The following TTC17 variants were observed in gnomAD, a reference collection of about 807,000 sequenced individuals.
TTC17 encodes tetratricopeptide repeat domain 17, also known as tetratricopeptide repeat protein 17.
TTC17 carries 58 observed loss-of-function variants against 143.8 expected under a neutral mutation model. The observed-to-expected ratio is 0.40, with a 90% CI of 0.33 to 0.50. The LOEUF (loss-of-function observed/expected upper bound fraction) is 0.50, where lower values mean the gene tolerates loss of function less well. TTC17 is among the 20% of genes least tolerant of loss of function. The pLI, the probability that TTC17 is intolerant of heterozygous loss-of-function variation, is 0.49. For synonymous variants in TTC17, 501 were observed against 497.8 expected (o/e 1.01, Z -0.09); for missense variants, 1,273 against 1,392.5 (o/e 0.91, Z 1.37).
intron 21 of TTC17, among the ~76,000 whole-genome samples, chr11:43,476,916 C>G (rs143894258): frequency 6.6e-6 from 1 of 152,134 alleles, no homozygotes; most frequent in Non-Finnish European, 1.5e-5. Context: ...TCTTTTCTAT[C>G]GCATAGTCAG....
chr11:43,482,258 GTT>G (rs376372616), intron 21 of TTC17, among the ~76,000 whole-genome samples: 156 of 142,386 alleles, frequency 1.1e-3, no homozygotes, highest in African/African-American at 3.7e-3. Flanking sequence ...GTTTTTAATA[GTT>G]TTTTTTTTTT....
chr11:43,412,981 GACACACACACACACACACAC>G (rs57982323), intron 15 of TTC17, among the ~76,000 whole-genome samples: 531 of 140,480 alleles, frequency 3.8e-3, no homozygotes, highest in Non-Finnish European at 4.8e-3. Context: ...ACCTAGAATA[GACACACACACACACACACAC>G]ACACACACAC....
intron 18 of TTC17, among the ~76,000 whole-genome samples, chr11:43,447,306 A>G (rs1363171690): frequency 6.6e-6 from 1 of 152,244 alleles, no homozygotes; most frequent in Non-Finnish European, 1.5e-5. Context: ...CTGAATACAC[A>G]GGAAGTGCTC....
chr11:43,409,210 A>G (rs150480862), intron 15 of TTC17, among the ~76,000 whole-genome samples: 1 of 152,378 alleles, frequency 6.6e-6, no homozygotes, highest in Non-Finnish European at 1.5e-5. Flanking sequence ...ATGGTTGTAT[A>G]AAGGACCAAT....
intron 15 of TTC17, 109 bp from the exon 16 acceptor site, chr11:43,414,481 C>A (rs894332154): frequency 8.8e-7 from 1 of 1,132,404 alleles, no homozygotes; most frequent in Non-Finnish European, 1.2e-6. Flanking sequence ...TTAGCAATAA[C>A]GTTTATGGGG....
At chr11:43,392,078 A>C (rs891823527) in intron 5 of TTC17, 126 bp downstream of exon 5, 2 of 1,127,996 alleles carry the variant, frequency 1.8e-6, no homozygotes, top group South Asian at 1.7e-5. Flanking sequence ...TTAAAATTAC[A>C]CTTACATTGA....
intron 1 of TTC17, among the ~76,000 whole-genome samples, chr11:43,365,763 G>A (rs1396402637): frequency 6.6e-6 from 1 of 152,154 alleles, no homozygotes; most frequent in African/African-American, 2.4e-5. Flanking sequence ...GTGGTAAAGC[G>A]AAGGATTCTA....
intron 18 of TTC17, among the ~76,000 whole-genome samples, chr11:43,445,389 G>T (rs1219587986): frequency 6.6e-6 from 1 of 152,112 alleles, no homozygotes; most frequent in African/African-American, 2.4e-5. Flanking sequence ...AACAAAACTA[G>T]CATGAAATAC....
intron 9 of TTC17, 115 bp downstream of exon 9, chr11:43,400,163 C>T (rs1590357726): frequency 8.6e-7 from 1 of 1,160,494 alleles, no homozygotes; most frequent in Non-Finnish European, 1.2e-6. Flanking sequence ...TTATGACTTC[C>T]CTACATCTCG....
At chr11:43,449,811 T>C (rs1947621813) in intron 19 of TTC17, 1 of 382,354 alleles carries the variant, frequency 2.6e-6, no homozygotes, top group African/African-American at 2.1e-5. Flanking sequence ...GTCTAAGCTT[T>C]AGGTAACTTT....
intron 10 of TTC17, among the ~76,000 whole-genome samples, chr11:43,402,027 A>T (rs982097866): frequency 6.7e-6 from 1 of 149,068 alleles, no homozygotes; most frequent in African/African-American, 2.5e-5. Context: ...AAATAAATAA[A>T]TAAAGAGCGA....
rs141250808 is a variant in TTC17, at chr11:43,408,720, C to A, written c.2064+1143C>A. On this transcript the variant is annotated intron_variant, in intron 15 of 23. Transcript: ENST00000039989. Reference sequence around the variant, plus strand: ...AGAATAAAAAGATAAATTAATGGATCAGGGTGGGTACCCCAAAAATATACC... The same window carrying A: ...AGAATAAAAAGATAAATTAATGGATAAGGGTGGGTACCCCAAAAATATACC... Among the ~76,000 whole-genome samples, 122 of 152,130 alleles carry A rather than the reference C, an allele frequency of 8.0e-4. 2 individuals are homozygous for A. The East Asian group carries it at 0.021, about 26-fold the overall frequency.
intron 18 of TTC17, chr11:43,446,281 C>T: frequency 2.6e-6 from 2 of 775,928 alleles, no homozygotes; most frequent in Non-Finnish European, 3.4e-6. Context: ...AATCAAGTGC[C>T]ATCTCTTCCT....
Position 43,494,140 on chromosome 11 carries a change from C to A in TTC17, c.*236C>A. On this transcript the variant is annotated 3_prime_UTR_variant, in exon 24 of 24. Coordinates refer to ENST00000039989, the MANE Select transcript of TTC17 (RefSeq NM_018259.6). ...ACACACATTTCTTAAAAGGAAAGTG[C>A]AGCTTCAAGATATTGTGTAAATACT... 2.3e-6 allele frequency: 1 copy of A among 440,702 alleles called. No individual in the cohort carries two copies. The highest frequency in any genetic ancestry group is 4.0e-6 in the Non-Finnish European group (1 of 252,548). 27.3% of individuals were successfully genotyped at this position (440,702 alleles called of 1,614,324 possible). A position where few individuals can be genotyped will look rare whatever the true frequency, so the allele number is the denominator to read the frequency against.
intron 12 of TTC17, 59 bp downstream of exon 12, chr11:43,405,688 C>G (rs1674053522): frequency 6.2e-7 from 1 of 1,611,114 alleles, no homozygotes; most frequent in South Asian, 1.1e-5. Context: ...TCTAGCGGTT[C>G]TTTGAGAGCA....
At chr11:43,480,150 A>G (rs746891899) in intron 21 of TTC17, among the ~76,000 whole-genome samples, 78 of 152,234 alleles carry the variant, frequency 5.1e-4, no homozygotes, top group Non-Finnish European at 9.7e-4. Flanking sequence ...ACAATAGCTC[A>G]ATAAGTATCA....
At chr11:43,448,514 CT>C in intron 19 of TTC17, 1 of 159,818 alleles carries the variant, frequency 6.3e-6, no homozygotes, top group Non-Finnish European at 1.4e-5. Flanking sequence ...CTGATAACTG[CT>C]TTTTCCTCAC....
chr11:43,369,456 G>A (rs951393940), intron 1 of TTC17, among the ~76,000 whole-genome samples: 7 of 152,154 alleles, frequency 4.6e-5, no homozygotes, highest in African/African-American at 1.7e-4. Flanking sequence ...GTAAAATCCA[G>A]TTGAGGGTAA....
Position 43,491,887 on chromosome 11 carries a change from C to T in TTC17, c.3151-133C>T, listed in dbSNP as rs571389596. On this transcript the variant is annotated intron_variant, in intron 22 of 23. Transcript: ENST00000039989. ...TATCACAGACCAGTAGCAAACAGCA[C>T]AAAAGCACTTTGAGTGGCACTGTTC... 156 of 1,203,890 alleles carry T rather than the reference C, an allele frequency of 1.3e-4. 1 individual carries two copies. In the African/African-American group the frequency reaches 2.0e-3, roughly 15 times the overall value. 74.6% of individuals were successfully genotyped at this position (1,203,890 alleles called of 1,614,324 possible).
Sources: allele counts gnomAD v4.1 joint callset (sites outside exome capture counted in the v4.1 genomes callset), GRCh38; gene constraint gnomAD v4.1.1; transcripts MANE v1.5; gene names NCBI Gene and HGNC (gene_info 2026-07-23, HGNC 2026-07-21).